The following NFIX variants were observed in gnomAD, a reference collection of about 807,000 sequenced individuals.
NFIX encodes nuclear factor 1 X-type.
In NFIX, 2 loss-of-function variants were observed where a neutral mutation model predicts 53.3. That is an observed-to-expected ratio of 0.04 (90% CI 0.02 to 0.12). NFIX has a LOEUF of 0.12. Among genes scored for constraint, NFIX ranks in the 10% least tolerant of loss-of-function variants. NFIX has a pLI of 1.00. For synonymous variants in NFIX, 244 were observed against 289.0 expected (o/e 0.84, Z 1.58); for missense variants, 310 against 674.5 (o/e 0.46, Z 5.99).
rs1440941458 is a variant in NFIX, at chr19:13,068,126, A to G, written c.560-4921A>G. ...TCTCAAAAAAAAAACAAAAACAAAA[A>G]CAAAAAACAAAAACATGCTGTCAGT... On this transcript the variant is annotated intron_variant, in intron 2 of 10. Transcript: ENST00000592199. The surrounding 1 kb of genome is among the most constrained non-coding windows in gnomAD (Gnocchi z 4.2). Among the ~76,000 whole-genome samples the G allele has an allele frequency of 6.6e-6, 1 of 151,888 alleles. No homozygotes were observed. The highest frequency in any genetic ancestry group is 1.9e-4 in the East Asian group (1 of 5,188).
In NFIX at chr19:13,066,519, AG is replaced by A. The variant is rs747970915; in HGVS notation, c.560-6527del. ...CCAGCAGGTCAGTCAAGTCAAAGGC[AG>A]AAGCCCCTTTGGATCTGTGAGCAGG... On this transcript the variant is annotated intron_variant, in intron 2 of 10. Transcript: ENST00000592199. The surrounding 1 kb of genome is among the most constrained non-coding windows in gnomAD (Gnocchi z 4.2). Among the ~76,000 whole-genome samples the A allele has an allele frequency of 1.3e-5, 2 of 152,202 alleles. No individual in the cohort carries two copies. The highest frequency in any genetic ancestry group is 2.9e-5 in the Non-Finnish European group (2 of 68,040).
rs114164537 is a variant in NFIX, at chr19:13,066,390, G to A, written c.560-6657G>A. 0.016 allele frequency among the ~76,000 whole-genome samples: 2,420 copies of A among 151,680 alleles called. 35 individuals carry two copies. The highest frequency in any genetic ancestry group is 0.033 in the African/African-American group (1,362 of 41,386). Reference sequence around the variant, plus strand: ...CAACAATGGCTTTTCTTGAGCCTAGGCCCTAGGGGCAGCCAGAGCAGGCCT... The same window carrying A: ...CAACAATGGCTTTTCTTGAGCCTAGACCCTAGGGGCAGCCAGAGCAGGCCT... On this transcript the variant is annotated intron_variant, in intron 2 of 10. Transcript: ENST00000592199. This position sits in a 1 kb window ranked among gnomAD's most constrained non-coding sequence, Gnocchi z 4.2.
At chr19:13,035,894 A>G (rs566873015) in intron 2 of NFIX, among the ~76,000 whole-genome samples, 2 of 152,316 alleles carry the variant, frequency 1.3e-5, no homozygotes, top group Non-Finnish European at 2.9e-5. Flanking sequence ...CCTTGCCCGC[A>G]TCATCCCAAG....
Position 13,090,420 on chromosome 19 carries a change from A to G in NFIX, c.1494+30A>G, listed in dbSNP as rs1189826855. 1 of 1,595,324 alleles carries G rather than the reference A, an allele frequency of 6.3e-7. No individual in the cohort carries two copies. Among genetic ancestry groups the G allele is most frequent in the Non-Finnish European group, 8.6e-7 (1 of 1,163,344 alleles). On this transcript the variant is annotated intron_variant, in intron 10 of 10. Transcript: ENST00000592199. This position sits in a 1 kb window ranked among gnomAD's most constrained non-coding sequence, Gnocchi z 6.6. ...GAGACCCTGCCCACCACCTGGATGC[A>G]GGGACCAGGGGAGTAGTCAGGGTTG...
chr19:13,038,311 C>G (rs2014353212), intron 2 of NFIX, among the ~76,000 whole-genome samples: 1 of 152,208 alleles, frequency 6.6e-6, no homozygotes, highest in African/African-American at 2.4e-5. Context: ...AAAGGCAAAG[C>G]CTGCCTGTTT....
chr19:13,027,344 A>G lies in NFIX; in HGVS notation c.559+1792A>G, dbSNP rs1005800248. On this transcript the variant is annotated intron_variant, in intron 2 of 10. Coordinates refer to ENST00000592199, the MANE Select transcript of NFIX (RefSeq NM_001365902.3). The surrounding 1 kb of genome is among the most constrained non-coding windows in gnomAD (Gnocchi z 4.3). Reference sequence around the variant, plus strand: ...CTTTTTGGAAAACAGACTGAGAGGGAAAAAAAAGTTATCCCCTCATTCTCT... The same window carrying G: ...CTTTTTGGAAAACAGACTGAGAGGGGAAAAAAAGTTATCCCCTCATTCTCT... 4.0e-5 allele frequency among the ~76,000 whole-genome samples: 6 copies of G among 151,788 alleles called. No individual in the cohort carries two copies. The highest frequency in any genetic ancestry group is 5.9e-5 in the Non-Finnish European group (4 of 67,924).
chr19:13,050,208 T>C (rs2015243913), intron 2 of NFIX, among the ~76,000 whole-genome samples: 1 of 152,238 alleles, frequency 6.6e-6, no homozygotes, highest in African/African-American at 2.4e-5. Context: ...CTGCATTTCT[T>C]TACTTCTCCT....
At position 13,068,523 on chromosome 19, in the gene NFIX, CCCAGAGTGG is replaced by C. The variant is rs1374834241; in HGVS notation, c.560-4520_560-4512del. Among the ~76,000 whole-genome samples, 1 of 152,342 alleles carries C rather than the reference CCCAGAGTGG, an allele frequency of 6.6e-6. No individual in the cohort carries two copies. Among genetic ancestry groups the C allele is most frequent in the East Asian group, 1.9e-4 (1 of 5,192 alleles). ...GAGGGGCCCCCAAGGAAGAGAGGGG[CCCAGAGTGG>C]CCACTTGGCTCAGCCTGGCTCTGGT... On this transcript the variant is annotated intron_variant, in intron 2 of 10. Coordinates refer to ENST00000592199, the MANE Select transcript of NFIX (RefSeq NM_001365902.3). The surrounding 1 kb of genome is among the most constrained non-coding windows in gnomAD (Gnocchi z 4.2).
Position 13,033,404 on chromosome 19 carries a change from C to T in NFIX, c.559+7852C>T, listed in dbSNP as rs374888921. Among the ~76,000 whole-genome samples, 8 of 152,124 alleles carry T rather than the reference C, an allele frequency of 5.3e-5. No homozygotes were observed. In the East Asian group the frequency reaches 9.6e-4, roughly 18 times the overall value. ...GGGCTGCCCTTTATGGGTCTGTCTC[C>T]CAAGTGACTTATTTCACCACCAGCT... On this transcript the variant is annotated intron_variant, in intron 2 of 10. Transcript: ENST00000592199.
chr19:13,044,822 G>C (rs1426362523), intron 2 of NFIX, among the ~76,000 whole-genome samples: 1 of 152,236 alleles, frequency 6.6e-6, no homozygotes, highest in Non-Finnish European at 1.5e-5. Flanking sequence ...AGCTGAGTGA[G>C]AGGCAAGGGA....
At position 13,036,850 on chromosome 19, in the gene NFIX, G is replaced by A. The variant is rs1452332820; in HGVS notation, c.559+11298G>A. Among the ~76,000 whole-genome samples the A allele has an allele frequency of 1.3e-5, 2 of 152,260 alleles. No individual in the cohort carries two copies. The highest frequency in any genetic ancestry group is 1.3e-4 in the Admixed American group (2 of 15,294). On this transcript the variant is annotated intron_variant, in intron 2 of 10. Coordinates refer to ENST00000592199, the MANE Select transcript of NFIX (RefSeq NM_001365902.3). This position sits in a 1 kb window ranked among gnomAD's most constrained non-coding sequence, Gnocchi z 4.7. ...AATTTCTGAGCAGTGACGTCAGCGG[G>A]CATGGTACCTAGTTAGGGGGTGGTA...
chr19:13,075,387 G>C (rs994388402), intron 5 of NFIX, 148 bp from the exon 6 acceptor site: 12 of 786,472 alleles, frequency 1.5e-5, no homozygotes, highest in Non-Finnish European at 2.0e-5. Context: ...GGTTGGGCAC[G>C]CAGTGAGTGC....
chr19:13,024,700 CGTT>C, intron 1 of NFIX: 2 of 1,536,148 alleles, frequency 1.3e-6, no homozygotes, highest in Non-Finnish European at 1.7e-6. Context: ...TGGACGGCAA[CGTT>C]GTCTGTGCGC....
rs1424846376 is a variant in NFIX, at chr19:13,028,460, C to CT, written c.559+2910dup. ...CCCAGGTGCCATTGTCACCCATGGC[C>CT]TTCCTGAGCCCTTGTTATGTCCCAG... On this transcript the variant is annotated intron_variant, in intron 2 of 10. Coordinates refer to ENST00000592199, the MANE Select transcript of NFIX (RefSeq NM_001365902.3). This position sits in a 1 kb window ranked among gnomAD's most constrained non-coding sequence, Gnocchi z 4.2. Among the ~76,000 whole-genome samples the CT allele has an allele frequency of 6.6e-6, 1 of 152,192 alleles. No individual in the cohort carries two copies. The highest frequency in any genetic ancestry group is 1.5e-5 in the Non-Finnish European group (1 of 68,046).
At chr19:13,024,959 A>T in intron 1 of NFIX, 62 bp from the exon 2 acceptor site, 1 of 1,547,112 alleles carries the variant, frequency 6.5e-7, no homozygotes, top group Non-Finnish European at 8.7e-7. Context: ...TTTCCCCCTC[A>T]TCCCGTCTTC....
rs1357959142 is a variant in NFIX at position 13,036,405 on chromosome 19, G to A, written c.559+10853G>A. ...CTCTCCAGGCCAGGGGTGGGGCTGT[G>A]GAAATGAGAAACCGGACGAGACAGA... is the stretch of plus-strand genomic sequence containing the variant. On this transcript the variant is annotated intron_variant, in intron 2 of 10. Coordinates refer to ENST00000592199, the MANE Select transcript of NFIX (RefSeq NM_001365902.3). The surrounding 1 kb of genome is among the most constrained non-coding windows in gnomAD (Gnocchi z 4.7). Among the ~76,000 whole-genome samples, 1 of 152,164 alleles carries A rather than the reference G, an allele frequency of 6.6e-6. No individual in the cohort carries two copies. The highest frequency in any genetic ancestry group is 2.4e-5 in the African/African-American group (1 of 41,418).
In NFIX at chr19:13,073,003, G is replaced by A. The variant is rs892738890; in HGVS notation, c.560-44G>A. 6 of 1,591,448 alleles carry A rather than the reference G, an allele frequency of 3.8e-6. No individual in the cohort carries two copies. In the African/African-American group the frequency reaches 6.7e-5, roughly 18 times the overall value. ...CCAATGCTTGGCTGGTGCTTATGGG[G>A]AACTTTGCTCCTGATACATTCTCCC... is the stretch of plus-strand genomic sequence containing the variant. On this transcript the variant is annotated intron_variant, in intron 2 of 10. Coordinates refer to ENST00000592199, the MANE Select transcript of NFIX (RefSeq NM_001365902.3). This position sits in a 1 kb window ranked among gnomAD's most constrained non-coding sequence, Gnocchi z 4.5.
rs780737450 is a variant in NFIX, at chr19:13,090,434, T to G, written c.1494+44T>G. The G allele has an allele frequency of 3.2e-6, 5 of 1,562,962 alleles. No homozygotes were observed. Among genetic ancestry groups the G allele is most frequent in the Admixed American group, 3.3e-5 (2 of 59,856 alleles). ...CACCTGGATGCAGGGACCAGGGGAG[T>G]AGTCAGGGTTGGGGGGCATCTTGGT... is the stretch of plus-strand genomic sequence containing the variant. On this transcript the variant is annotated intron_variant, in intron 10 of 10. Transcript: ENST00000592199. The surrounding 1 kb of genome is among the most constrained non-coding windows in gnomAD (Gnocchi z 6.6).
At chr19:13,079,532 T>TA (rs1444847277) in intron 7 of NFIX, among the ~76,000 whole-genome samples, 2 of 152,216 alleles carry the variant, frequency 1.3e-5, no homozygotes, top group Admixed American at 1.3e-4. Flanking sequence ...GATATGGCCC[T>TA]ATGTCCGCCT....
Sources: allele counts gnomAD v4.1 joint callset (sites outside exome capture counted in the v4.1 genomes callset), GRCh38; gene constraint gnomAD v4.1.1; non-coding constraint Gnocchi (gnomAD v3.1); transcripts MANE v1.5; gene names NCBI Gene and HGNC (gene_info 2026-07-23, HGNC 2026-07-21).